KSR2: variants seen among roughly 807,000 people sequenced by gnomAD.
KSR2 encodes kinase suppressor of ras 2.
In KSR2, 25 loss-of-function variants were observed where a neutral mutation model predicts 107.8. That is an observed-to-expected ratio of 0.23 (90% CI 0.17 to 0.32). The LOEUF is 0.32. Ranked by LOEUF, KSR2 falls within the 10% of genes least tolerant of loss-of-function variation. KSR2 has a pLI of 1.00. For missense variants in KSR2, 887 were observed against 1,268.9 expected, an observed-to-expected ratio of 0.70 and a Z score of 4.57; for synonymous variants, 480 against 507.0, an observed-to-expected ratio of 0.95 and a Z score of 0.71.
chr12:117,472,736 G>T (rs534442326), intron 17 of KSR2, among the ~76,000 whole-genome samples: 1 of 152,264 alleles, frequency 6.6e-6, no homozygotes, highest in African/African-American at 2.4e-5. Flanking sequence ...CTCAAGAGAA[G>T]GTGCTAAAAG....
At chr12:117,835,995 A>T (rs1395183883) in intron 3 of KSR2, among the ~76,000 whole-genome samples, 1 of 152,178 alleles carries the variant, frequency 6.6e-6, no homozygotes, top group Non-Finnish European at 1.5e-5. Context: ...CCGTAAACTG[A>T]CAACCCCCTA....
At chr12:117,615,174 C>T (rs1403945329) in intron 5 of KSR2, among the ~76,000 whole-genome samples, 1 of 151,772 alleles carries the variant, frequency 6.6e-6, no homozygotes, top group Non-Finnish European at 1.5e-5. Context: ...GTAAGACACA[C>T]TCAGAGTCCT....
At chr12:117,925,220 C>G (rs969746647) in intron 1 of KSR2, among the ~76,000 whole-genome samples, 1 of 151,724 alleles carries the variant, frequency 6.6e-6, no homozygotes, top group Non-Finnish European at 1.5e-5. Flanking sequence ...ACCTCCCAGG[C>G]TCAAGCAGTC....
rs1396875564 is a variant in KSR2, at chr12:117,463,587, T to G, written c.*3612A>C. 4.6e-5 allele frequency: 7 copies of G among 152,256 alleles called. No homozygotes were observed. Among genetic ancestry groups the G allele is most frequent in the Non-Finnish European group, 7.3e-5 (5 of 68,046 alleles). 9.4% of individuals were successfully genotyped at this position (152,256 alleles called of 1,614,324 possible). On this transcript the variant is annotated 3_prime_UTR_variant, in exon 20 of 20. Coordinates refer to ENST00000339824, the MANE Select transcript of KSR2 (RefSeq NM_173598.6). ...ATGAAATTTGAATGTTATAGAATTT[T>G]CATGTCATGAAATATTATTCTTTTG...
At chr12:117,662,068 C>T (rs1884455491) in intron 5 of KSR2, among the ~76,000 whole-genome samples, 1 of 152,184 alleles carries the variant, frequency 6.6e-6, no homozygotes, top group Non-Finnish European at 1.5e-5. Flanking sequence ...AACGTGGAAC[C>T]TCCTGTGTCT....
chr12:117,716,599 C>T (rs756399329), intron 4 of KSR2, among the ~76,000 whole-genome samples: 1 of 152,174 alleles, frequency 6.6e-6, no homozygotes, highest in Non-Finnish European at 1.5e-5. Context: ...TCTAATATGG[C>T]TATCAGAAAC....
chr12:117,480,197 C>A (rs1872082478), intron 16 of KSR2, among the ~76,000 whole-genome samples: 1 of 152,078 alleles, frequency 6.6e-6, no homozygotes, highest in Non-Finnish European at 1.5e-5. Context: ...GTTGGGGTGC[C>A]CCTGCCAAAG....
chr12:117,964,060 C>T (rs566449369), intron 1 of KSR2, among the ~76,000 whole-genome samples: 1 of 152,278 alleles, frequency 6.6e-6, no homozygotes, highest in African/African-American at 2.4e-5. Context: ...GGCAGATCAT[C>T]TGAGGTCAGG....
chr12:117,639,629 G>GTATTATTATTATTAT (rs5801245), intron 5 of KSR2, among the ~76,000 whole-genome samples: 8,038 of 137,744 alleles, frequency 0.058, 400 homozygotes, highest in East Asian at 0.25. Context: ...CGCACCCAGC[G>GTATTATTATTATTAT]TATTATTATT....
At chr12:117,670,699 C>A (rs1884869694) in intron 4 of KSR2, among the ~76,000 whole-genome samples, 2 of 152,096 alleles carry the variant, frequency 1.3e-5, no homozygotes, top group Admixed American at 1.3e-4. Context: ...TCCCTTTGCC[C>A]CCCTGTGTCT....
intron 3 of KSR2, among the ~76,000 whole-genome samples, chr12:117,778,463 T>C (rs1889772128): frequency 6.6e-6 from 1 of 152,198 alleles, no homozygotes; most frequent in East Asian, 1.9e-4. Flanking sequence ...GCACCTTGAA[T>C]TCAGGCAAGA....
chr12:117,486,288 G>C (rs189604236), intron 14 of KSR2, among the ~76,000 whole-genome samples: 7 of 152,312 alleles, frequency 4.6e-5, no homozygotes, highest in African/African-American at 1.4e-4. Context: ...AGGACCAGTA[G>C]TTTAAGATGA....
At chr12:117,770,811 C>CAA (rs71450231) in intron 3 of KSR2, among the ~76,000 whole-genome samples, 7 of 137,942 alleles carry the variant, frequency 5.1e-5, no homozygotes, top group African/African-American at 1.9e-4. Context: ...ACCAAAAATA[C>CAA]AAAAAAAAAA....
chr12:117,835,793 C>A (rs1365593088), intron 3 of KSR2, among the ~76,000 whole-genome samples: 1 of 152,038 alleles, frequency 6.6e-6, no homozygotes, highest in South Asian at 2.1e-4. Flanking sequence ...CCCCAAATGT[C>A]AACAGTGCCA....
chr12:117,690,243 A>T (rs890735401), intron 4 of KSR2, among the ~76,000 whole-genome samples: 1 of 152,158 alleles, frequency 6.6e-6, no homozygotes, highest in Non-Finnish European at 1.5e-5. Flanking sequence ...GACACACAAC[A>T]GGAGCTCAAG....
chr12:117,682,790 G>A (rs1885422409), intron 4 of KSR2, among the ~76,000 whole-genome samples: 1 of 152,050 alleles, frequency 6.6e-6, no homozygotes. Context: ...CAACAAGAAT[G>A]GAACAAGAAC....
intron 5 of KSR2, among the ~76,000 whole-genome samples, chr12:117,664,604 C>A (rs76467697): frequency 0.01 from 1,560 of 152,258 alleles, 25 homozygotes; most frequent in African/African-American, 0.036. Flanking sequence ...ATTCTAATTG[C>A]ATCAAAAGAT....
chr12:117,803,571 C>T (rs11615079), intron 3 of KSR2, among the ~76,000 whole-genome samples: 17,037 of 151,990 alleles, frequency 0.11, 1,382 homozygotes, highest in Admixed American at 0.26. Flanking sequence ...GACGTGGTGG[C>T]GGGAGCCTGT....
intron 3 of KSR2, among the ~76,000 whole-genome samples, chr12:117,834,292 T>C (rs948380418): frequency 1.3e-5 from 2 of 152,024 alleles, no homozygotes; most frequent in African/African-American, 2.4e-5. Context: ...GGAAAGTGGA[T>C]GTAGTTGAGT....
Sources: allele counts gnomAD v4.1 joint callset (sites outside exome capture counted in the v4.1 genomes callset), GRCh38; gene constraint gnomAD v4.1.1; transcripts MANE v1.5; gene names NCBI Gene and HGNC (gene_info 2026-07-23, HGNC 2026-07-21).